ZDHHC21: variants seen among roughly 807,000 people sequenced by gnomAD.
The protein encoded by ZDHHC21 is zDHHC palmitoyltransferase 21, also known as palmitoyltransferase ZDHHC21.
Under a neutral mutation model 34.6 loss-of-function variants are expected in ZDHHC21, and 15 were observed. The observed-to-expected ratio is 0.43, with a 90% confidence interval of 0.29 to 0.67. The LOEUF is 0.67. Ranked by LOEUF, ZDHHC21 falls within the 30% of genes least tolerant of loss-of-function variation. ZDHHC21 has a pLI of 0.14. For missense variants in ZDHHC21, 344 were observed against 327.7 expected (o/e 1.05, Z -0.38); for synonymous variants, 142 against 101.8 (o/e 1.40, Z -2.38).
intron 8 of ZDHHC21, among the ~76,000 whole-genome samples, chr9:14,625,925 G>C (rs577565778): frequency 2.6e-5 from 4 of 151,772 alleles, no homozygotes; most frequent in Admixed American, 6.6e-5. Context: ...TAGCATCATG[G>C]AACTTACAAT....
At chr9:14,591,327 T>A in the ZDHHC21 span, among the ~76,000 whole-genome samples, 4 of 152,134 alleles carry the variant, frequency 2.6e-5, no homozygotes, top group African/African-American at 9.7e-5. Flanking sequence ...CATGAACAGA[T>A]TAGTGCCTTA....
chr9:14,624,780 A>G (rs188029897), intron 8 of ZDHHC21, among the ~76,000 whole-genome samples: 3 of 152,224 alleles, frequency 2.0e-5, no homozygotes, highest in Non-Finnish European at 4.4e-5. Context: ...ATCTCAGAAT[A>G]GCCTGAAGAG....
At chr9:14,650,307 A>C (rs1831005895) in intron 7 of ZDHHC21, among the ~76,000 whole-genome samples, 1 of 152,002 alleles carries the variant, frequency 6.6e-6, no homozygotes, top group Non-Finnish European at 1.5e-5. Flanking sequence ...GTAGCATCTC[A>C]GGAAACAGGA....
Position 14,674,402 on chromosome 9 carries a change from AAGAAAATAATTACTTACAT to A in ZDHHC21, c.-45-36_-45-18del. ...AGGATGATCCTAAGGAGAAGGAACA[AAGAAAATAATTACTTACAT>A]AGAAAAATTTGACTAAAACCTGTAT... On this transcript the variant is annotated intron_variant, in intron 3 of 9. Transcript: ENST00000380916. 1 of 1,479,556 alleles carries A rather than the reference AAGAAAATAATTACTTACAT, an allele frequency of 6.8e-7. No homozygotes were observed. Among genetic ancestry groups the A allele is most frequent in the South Asian group, 1.4e-5 (1 of 71,626 alleles). The allele number at this position is 1,479,556 out of a possible 1,614,324, so 91.7% of individuals were successfully genotyped here. A position where few individuals can be genotyped will look rare whatever the true frequency, so the allele number is the denominator to read the frequency against.
chr9:14,678,039 G>A (rs572779591), intron 3 of ZDHHC21, among the ~76,000 whole-genome samples: 25 of 152,114 alleles, frequency 1.6e-4, no homozygotes, highest in African/African-American at 5.1e-4. Context: ...ACCACTGTTC[G>A]ACGATATTCC....
At chr9:14,622,415 C>T (rs1825465261) in intron 8 of ZDHHC21, 4 of 388,734 alleles carry the variant, frequency 1.0e-5, no homozygotes, top group South Asian at 1.1e-4. Context: ...AATGGGGGGG[C>T]GGGGAAGTTC....
rs867653998 is a variant in ZDHHC21 at position 14,655,251 on chromosome 9, G to A, written c.504+3498C>T. 3.7e-4 allele frequency among the ~76,000 whole-genome samples: 56 copies of A among 152,026 alleles called. 1 individual carries two copies. The highest frequency in any genetic ancestry group is 1.3e-3 in the African/African-American group (52 of 41,516). On this transcript the variant is annotated intron_variant, in intron 7 of 9. Coordinates refer to ENST00000380916, the MANE Select transcript of ZDHHC21 (RefSeq NM_178566.6). The stretch of plus-strand genomic sequence containing the variant: ...AAAGTAACCACCAATCTACAATTCT[G>A]TGCCAAACAATAAATCCTTCAAAAA...
At chr9:14,589,516 C>T in the ZDHHC21 span, 2 of 152,034 alleles carry the variant, frequency 1.3e-5, no homozygotes, top group Non-Finnish European at 2.9e-5. Flanking sequence ...CACATAACCA[C>T]AAAGGAAGGT....
At chr9:14,599,554 T>C in the ZDHHC21 span, among the ~76,000 whole-genome samples, 1 of 148,394 alleles carries the variant, frequency 6.7e-6, no homozygotes, top group Admixed American at 6.7e-5. Flanking sequence ...CTGCAGGAGT[T>C]TTTTTTTTTT....
In ZDHHC21 at chr9:14,662,270, G is replaced by T; in HGVS notation, c.310C>A (p.His104Asn). 6.2e-7 allele frequency: 1 copy of T among 1,613,010 alleles called. No individual in the cohort carries two copies. Among genetic ancestry groups the T allele is most frequent in the Non-Finnish European group, 8.5e-7 (1 of 1,179,576 alleles). ...KCNLMRPKRS[H>N]HCSRCGHCVR... ...CAGTGGCCGCAGCGGCTACAGTGATGGGAACGCTTTGGTCTCATCAAATTA... is the reference window on the plus strand; with the variant it reads ...CAGTGGCCGCAGCGGCTACAGTGATTGGAACGCTTTGGTCTCATCAAATTA... The change falls in exon 6 of 10, where the codon CAT becomes AAT. Residue 104 changes from histidine to asparagine, a missense_variant. His to Asn is a moderately conservative substitution (Grantham distance 68, BLOSUM62 1). Transcript: ENST00000380916.
chr9:14,658,429 T>C (rs1832688912), intron 7 of ZDHHC21, among the ~76,000 whole-genome samples: 1 of 145,584 alleles, frequency 6.9e-6, no homozygotes, highest in Non-Finnish European at 1.5e-5. Flanking sequence ...AATTGTATGC[T>C]ACAACTGCTC....
intron 7 of ZDHHC21, among the ~76,000 whole-genome samples, chr9:14,658,464 C>CTTTTTTTTTTTTTTT (rs769819264): frequency 1.5e-5 from 1 of 65,376 alleles, no homozygotes; most frequent in Non-Finnish European, 2.6e-5. Context: ...ATAAACATTT[C>CTTTTTTTTTTTTTTT]TTTTTTTTTT....
At chr9:14,599,580 C>G in the ZDHHC21 span, among the ~76,000 whole-genome samples, 46,435 of 151,120 alleles carry the variant, frequency 0.31, 7,349 homozygotes, top group Middle Eastern at 0.39. Flanking sequence ...ACCCCAGTGG[C>G]GCCTGGAATG....
At chr9:14,610,815 G>A (rs556967927), downstream of ZDHHC21, among the ~76,000 whole-genome samples, 7 of 152,116 alleles carry the variant, frequency 4.6e-5, no homozygotes, top group East Asian at 1.2e-3. Flanking sequence ...AGCCATCTGC[G>A]TCATCTCTAA....
chr9:14,629,935 A>T (rs913907035), intron 8 of ZDHHC21, among the ~76,000 whole-genome samples: 1 of 152,136 alleles, frequency 6.6e-6, no homozygotes, highest in African/African-American at 2.4e-5. Flanking sequence ...AGTCCCAGCT[A>T]CTTGGGAGGC....
intron 5 of ZDHHC21, among the ~76,000 whole-genome samples, chr9:14,671,654 G>A (rs1173687181): frequency 1.3e-5 from 2 of 151,860 alleles, no homozygotes; most frequent in Non-Finnish European, 2.9e-5. Flanking sequence ...CAAAAAACAT[G>A]GCTCTAGTAA....
intron 7 of ZDHHC21, among the ~76,000 whole-genome samples, chr9:14,651,363 A>G (rs1243173083): frequency 1.3e-5 from 2 of 151,852 alleles, no homozygotes; most frequent in African/African-American, 4.8e-5. Flanking sequence ...AAAAATGCAA[A>G]AAGTAGTATT....
In ZDHHC21 at chr9:14,676,751, A is replaced by C. The variant is rs571244084; in HGVS notation, c.-45-2366T>G. On this transcript the variant is annotated intron_variant, in intron 3 of 9. Coordinates refer to ENST00000380916, the MANE Select transcript of ZDHHC21 (RefSeq NM_178566.6). ...TTGCTAAGAATCATTTTAATAAAGG[A>C]ATCTCAAATACAAATGGTAAGCTAT... Among the ~76,000 whole-genome samples, 4 of 151,998 alleles carry C rather than the reference A, an allele frequency of 2.6e-5. No homozygotes were observed. In the South Asian group the frequency reaches 8.3e-4, roughly 32 times the overall value.
At chr9:14,682,069 C>A (rs192394561) in intron 2 of ZDHHC21, among the ~76,000 whole-genome samples, 92 of 152,224 alleles carry the variant, frequency 6.0e-4, no homozygotes, top group Non-Finnish European at 2.1e-4. Context: ...ACAACCGGTA[C>A]CAGCCACTGC....
Sources: gnomAD v4.1 joint callset for allele counts (sites outside exome capture counted in the v4.1 genomes callset) on GRCh38, gnomAD v4.1.1 for gene constraint, MANE v1.5 for transcripts, NCBI Gene and HGNC (gene_info 2026-07-23, HGNC 2026-07-21) for gene names.